Variants in KCNJ3 observed in about 807,000 individuals in gnomAD.
The protein encoded by KCNJ3 is potassium inwardly rectifying channel subfamily J member 3.
Under a neutral mutation model 39.2 loss-of-function variants are expected in KCNJ3, and 4 were observed. That is an observed-to-expected ratio of 0.10 (90% confidence interval 0.05 to 0.23). KCNJ3 has a LOEUF of 0.23. KCNJ3 is among the 10% of genes least tolerant of loss of function. The pLI, the probability that KCNJ3 is intolerant of heterozygous loss-of-function variation, is 1.00. For synonymous variants in KCNJ3, 230 were observed against 237.4 expected (o/e 0.97, Z 0.29); for missense variants, 276 against 634.9 (o/e 0.43, Z 6.08).
chr2:154,703,150 C>G (rs958884528), intron 1 of KCNJ3, among the ~76,000 whole-genome samples: 1 of 151,704 alleles, frequency 6.6e-6, no homozygotes, highest in South Asian at 2.1e-4. Context: ...GATAACTGTT[C>G]GAGAAATTAC....
intron 2 of KCNJ3, among the ~76,000 whole-genome samples, chr2:154,771,065 A>G (rs1686234081): frequency 6.6e-6 from 1 of 151,304 alleles, no homozygotes; most frequent in South Asian, 2.1e-4. Flanking sequence ...AATTTTTGTT[A>G]TTTTTCATAA....
intron 2 of KCNJ3, among the ~76,000 whole-genome samples, chr2:154,737,507 G>A (rs992385643): frequency 3.9e-5 from 6 of 152,058 alleles, no homozygotes; most frequent in African/African-American, 1.4e-4. Flanking sequence ...TATGATCCAC[G>A]AGGAGGAGAA....
At chr2:154,776,828 T>C (rs1477044547) in intron 2 of KCNJ3, among the ~76,000 whole-genome samples, 1 of 152,092 alleles carries the variant, frequency 6.6e-6, no homozygotes, top group African/African-American at 2.4e-5. Context: ...TTGGTCTTTA[T>C]TTTTACATTT....
chr2:154,712,360 A>G lies in KCNJ3; in HGVS notation c.919+2541A>G, dbSNP rs371153303. 9.8e-4 allele frequency among the ~76,000 whole-genome samples: 150 copies of G among 152,358 alleles called. 1 individual carries two copies. The South Asian group carries it at 0.029, about 30-fold the overall frequency. ...ATACGTATTGCCTAGAACAAGACAAATATGATCTTATGGGATTGTTTCAGG... is the reference window on the plus strand; with the variant it reads ...ATACGTATTGCCTAGAACAAGACAAGTATGATCTTATGGGATTGTTTCAGG... On this transcript the variant is annotated intron_variant, in intron 2 of 2. Coordinates refer to ENST00000295101, the MANE Select transcript of KCNJ3 (RefSeq NM_002239.4).
chr2:154,735,117 C>G (rs1219059704), intron 2 of KCNJ3, among the ~76,000 whole-genome samples: 1 of 132,912 alleles, frequency 7.5e-6, no homozygotes, highest in Non-Finnish European at 1.5e-5. Context: ...GACGGAGTCT[C>G]GCTTTGTCGC....
chr2:154,821,112 C>T (rs936657321), intron 2 of KCNJ3, among the ~76,000 whole-genome samples: 11 of 152,066 alleles, frequency 7.2e-5, no homozygotes, highest in Admixed American at 1.3e-4. Flanking sequence ...CAGTACTAGC[C>T]CAGTCAAGCT....
intron 2 of KCNJ3, among the ~76,000 whole-genome samples, chr2:154,776,383 A>G (rs917117285): frequency 1.3e-5 from 2 of 152,080 alleles, no homozygotes; most frequent in African/African-American, 4.8e-5. Context: ...GGAAGTTTAG[A>G]AAATAGCTGG....
chr2:154,702,044 T>G (rs541388689), intron 1 of KCNJ3, among the ~76,000 whole-genome samples: 1 of 152,030 alleles, frequency 6.6e-6, no homozygotes, highest in South Asian at 2.1e-4. Context: ...TCATTTTCTC[T>G]TAAGAACTGA....
chr2:154,844,917 C>T (rs114437627), intron 2 of KCNJ3, among the ~76,000 whole-genome samples: 1 of 152,124 alleles, frequency 6.6e-6, no homozygotes, highest in Non-Finnish European at 1.5e-5. Context: ...GAGGCGACGC[C>T]TTGCCCTGCC....
chr2:154,819,177 C>T (rs1314500251), intron 2 of KCNJ3, among the ~76,000 whole-genome samples: 7 of 151,906 alleles, frequency 4.6e-5, no homozygotes, highest in Admixed American at 4.6e-4. Flanking sequence ...AACTATTGCA[C>T]CTCAGCATAT....
intron 2 of KCNJ3, among the ~76,000 whole-genome samples, chr2:154,836,439 T>G (rs771308435): frequency 3.3e-5 from 5 of 151,952 alleles, no homozygotes; most frequent in Non-Finnish European, 7.4e-5. Flanking sequence ...TTTTTTTTTC[T>G]TAATTGAAAT....
chr2:154,754,064 AT>A (rs1284616254), intron 2 of KCNJ3, among the ~76,000 whole-genome samples: 1 of 152,162 alleles, frequency 6.6e-6, no homozygotes, highest in Non-Finnish European at 1.5e-5. Flanking sequence ...TTACTTTAGA[AT>A]AGTTTTGGAT....
chr2:154,853,028 T>C (rs1347958018), intron 2 of KCNJ3, among the ~76,000 whole-genome samples: 1 of 152,010 alleles, frequency 6.6e-6, no homozygotes, highest in African/African-American at 2.4e-5. Context: ...CTACAGCTTA[T>C]TAGATCTGTG....
chr2:154,813,023 G>GCAT (rs1340076792), intron 2 of KCNJ3, among the ~76,000 whole-genome samples: 1 of 152,102 alleles, frequency 6.6e-6, no homozygotes, highest in Non-Finnish European at 1.5e-5. Context: ...GATCATTCCT[G>GCAT]TTTTTCAAAT....
At chr2:154,805,180 A>C (rs1398897006) in intron 2 of KCNJ3, among the ~76,000 whole-genome samples, 1 of 152,086 alleles carries the variant, frequency 6.6e-6, no homozygotes, top group East Asian at 1.9e-4. Context: ...ATATTACAGA[A>C]AAAAAACAGG....
chr2:154,802,914 A>G (rs927882517), intron 2 of KCNJ3, among the ~76,000 whole-genome samples: 1 of 152,030 alleles, frequency 6.6e-6, no homozygotes, highest in Admixed American at 6.6e-5. Context: ...AAAATAGTTT[A>G]CAGATTCTAG....
chr2:154,829,681 G>T (rs1687329484), intron 2 of KCNJ3, among the ~76,000 whole-genome samples: 1 of 152,106 alleles, frequency 6.6e-6, no homozygotes, highest in African/African-American at 2.4e-5. Flanking sequence ...GTAATTTTAA[G>T]TTTTTTGAGG....
chr2:154,802,803 T>C (rs1168646178), intron 2 of KCNJ3, among the ~76,000 whole-genome samples: 1 of 152,156 alleles, frequency 6.6e-6, no homozygotes. Context: ...GGTAACTAAC[T>C]GAAGGTGATA....
chr2:154,739,190 T>G (rs578174099), intron 2 of KCNJ3, among the ~76,000 whole-genome samples: 1 of 152,162 alleles, frequency 6.6e-6, no homozygotes, highest in Admixed American at 6.6e-5. Flanking sequence ...AGTATTAACC[T>G]ATTATACTAT....
Sources: allele counts gnomAD v4.1 joint callset (sites outside exome capture counted in the v4.1 genomes callset), GRCh38; gene constraint gnomAD v4.1.1; transcripts MANE v1.5; gene names NCBI Gene and HGNC (gene_info 2026-07-23, HGNC 2026-07-21).